The following ZDHHC19 variants were observed in gnomAD, a reference collection of about 807,000 sequenced individuals.
The protein encoded by ZDHHC19 is palmitoyltransferase ZDHHC19.
In ZDHHC19, 30 loss-of-function variants were observed where a neutral mutation model predicts 33.9. The ratio of observed to expected loss-of-function variants is 0.88; its 90% confidence interval spans 0.66 to 1.20. ZDHHC19 has a LOEUF of 1.20. Among genes scored for constraint, ZDHHC19 ranks in the 50% most tolerant of loss-of-function variants. The pLI is 0.00. For synonymous variants in ZDHHC19, 178 were observed against 167.6 expected (o/e 1.06, Z -0.48); for missense variants, 364 against 401.1 (o/e 0.91, Z 0.79).
chr3:196,208,659 C>G (rs1049198441), intron 3 of ZDHHC19, 99 bp from the exon 4 acceptor site: 7 of 1,407,314 alleles, frequency 5.0e-6, no homozygotes, highest in Non-Finnish European at 6.8e-6. Flanking sequence ...TCTAGGCCAC[C>G]TGCCCTTGGC....
Position 196,198,467 on chromosome 3 carries a change from C to T in ZDHHC19, c.774-16G>A, listed in dbSNP as rs774521243. On this transcript the variant is annotated splice_polypyrimidine_tract_variant and intron_variant, in intron 6 of 7. Transcript: ENST00000296326. ...AGCCATGTACCTGGGGAGCAGCAGGCCAGATGCAGGGGCCACCGTCCTCCC... is the reference window on the plus strand; with the variant it reads ...AGCCATGTACCTGGGGAGCAGCAGGTCAGATGCAGGGGCCACCGTCCTCCC... 1.3e-5 allele frequency: 20 copies of T among 1,590,152 alleles called. No homozygotes were observed. In the Admixed American group the frequency reaches 2.0e-4, roughly 16 times the overall value.
intron 5 of ZDHHC19, 63 bp from the exon 6 acceptor site, chr3:196,198,937 C>T: frequency 6.5e-7 from 1 of 1,542,116 alleles, no homozygotes; most frequent in Admixed American, 1.7e-5. Flanking sequence ...GGCCATCGCC[C>T]AGTGGCCCTC....
intron 5 of ZDHHC19, chr3:196,199,286 A>C: frequency 1.0e-5 from 2 of 193,552 alleles, no homozygotes; most frequent in Non-Finnish European, 2.2e-5. Context: ...CACTCACTCT[A>C]CCCATCCACC....
chr3:196,210,363 G>GAAAGAAA (rs1560142876), intron 2 of ZDHHC19, among the ~76,000 whole-genome samples: 6 of 48,646 alleles, frequency 1.2e-4, no homozygotes, highest in Non-Finnish European at 2.6e-4. Context: ...AAAGAAAGAA[G>GAAAGAAA]GAAGGAAGGA....
At position 196,210,747 on chromosome 3, in the gene ZDHHC19, G is replaced by C. The variant is rs1183912314; in HGVS notation, c.147-10C>G. On this transcript the variant is annotated splice_polypyrimidine_tract_variant and intron_variant, in intron 1 of 7. Transcript: ENST00000296326. The stretch of plus-strand genomic sequence containing the variant: ...AGCCAGCCACCTGCAACTGAGACCA[G>C]AGGCAGGCTCGGTCCTGAGCAGGGG... 1 of 1,612,836 alleles carries C rather than the reference G, an allele frequency of 6.2e-7. No individual in the cohort carries two copies. The highest frequency in any genetic ancestry group is 8.5e-7 in the Non-Finnish European group (1 of 1,179,434).
chr3:196,199,907 TG>T lies in ZDHHC19; in HGVS notation c.688-1034del, dbSNP rs1722130693. ...TTGCAGTGAGCCGAGATCATGCCAC[TG>T]CACTCCAGCCTGGGCGACAGAGCGA... On this transcript the variant is annotated intron_variant, in intron 5 of 7. Transcript: ENST00000296326. Among the ~76,000 whole-genome samples the T allele has an allele frequency of 1.5e-4, 23 of 152,014 alleles. No individual in the cohort carries two copies. The South Asian group carries it at 4.8e-3, about 32-fold the overall frequency.
At chr3:196,201,614 A>G (rs1307231207) in intron 5 of ZDHHC19, among the ~76,000 whole-genome samples, 3 of 151,974 alleles carry the variant, frequency 2.0e-5, no homozygotes, top group Non-Finnish European at 4.4e-5. Flanking sequence ...CCAACTACTC[A>G]GGAGGCTGAG....
At chr3:196,206,679 C>CTTTTTTT (rs10578928) in intron 5 of ZDHHC19, among the ~76,000 whole-genome samples, 2 of 112,790 alleles carry the variant, frequency 1.8e-5, no homozygotes, top group Non-Finnish European at 3.6e-5. Context: ...CTTTTCTTTT[C>CTTTTTTT]TTTTTTTTTT....
In ZDHHC19 at chr3:196,203,582, G is replaced by A. The variant is rs1345195802; in HGVS notation, c.687+3816C>T. 6.6e-6 allele frequency among the ~76,000 whole-genome samples: 1 copy of A among 152,214 alleles called. No homozygotes were observed. Among genetic ancestry groups the A allele is most frequent in the Admixed American group, 6.5e-5 (1 of 15,282 alleles). ...GTGAAGAAGGCCTGAGGCAGGTGCT[G>A]CGGGCTGCGGGAAGGAGCCCTGCCT... On this transcript the variant is annotated intron_variant, in intron 5 of 7. Transcript: ENST00000296326. The surrounding 1 kb of genome is among the most constrained non-coding windows in gnomAD (Gnocchi z 4.3).
chr3:196,207,044 C>G (rs542587403), intron 5 of ZDHHC19, among the ~76,000 whole-genome samples: 1 of 152,270 alleles, frequency 6.6e-6, no homozygotes, highest in Admixed American at 6.5e-5. Context: ...CCTGAGTCTG[C>G]GCCACACAGC....
intron 2 of ZDHHC19, among the ~76,000 whole-genome samples, chr3:196,210,341 GAAA>G (rs71622468): frequency 2.5e-5 from 1 of 40,330 alleles, no homozygotes; most frequent in Non-Finnish European, 6.6e-5. Flanking sequence ...AAGAAAGAAA[GAAA>G]AGAGAAAGAA....
chr3:196,200,546 G>A (rs71323705), intron 5 of ZDHHC19, among the ~76,000 whole-genome samples: 16,001 of 149,478 alleles, frequency 0.11, 1,103 homozygotes, highest in Non-Finnish European at 0.14. Flanking sequence ...AGTAGAGACG[G>A]GGTTTCACCG....
Position 196,209,474 on chromosome 3 carries a change from CCCACA to C in ZDHHC19, c.305_309del (p.Val102GlyfsTer36), listed in dbSNP as rs1189982343. The C allele has an allele frequency of 1.2e-6, 2 of 1,612,562 alleles. No homozygotes were observed. The highest frequency in any genetic ancestry group is 2.7e-5 in the African/African-American group (2 of 74,936). On this transcript the variant is annotated frameshift_variant, in exon 3 of 8. Transcript: ENST00000296326. LOFTEE classifies it high-confidence loss of function. ...TGCAGGCGGAAGGCCCCGTGGTTCA[CCCACA>C]CCACGTGCACCGTCAAGGGGCCCTG... is the stretch of plus-strand genomic sequence containing the variant.
At position 196,203,269 on chromosome 3, in the gene ZDHHC19, G is replaced by GAAGA. The variant is rs200265519; in HGVS notation, c.687+4125_687+4128dup. Among the ~76,000 whole-genome samples, 5 of 151,940 alleles carry GAAGA rather than the reference G, an allele frequency of 3.3e-5. No homozygotes were observed. Among genetic ancestry groups the GAAGA allele is most frequent in the South Asian group, 2.1e-4 (1 of 4,808 alleles). On this transcript the variant is annotated intron_variant, in intron 5 of 7. Coordinates refer to ENST00000296326, the MANE Select transcript of ZDHHC19 (RefSeq NM_001039617.2). This position sits in a 1 kb window ranked among gnomAD's most constrained non-coding sequence, Gnocchi z 4.3. Reference sequence around the variant, plus strand: ...CAAAAAAGAAAAAAAAAGAAAGAAAGAAGAAAGAAAGAGAGAGAGAAATTG... The same window carrying GAAGA: ...CAAAAAAGAAAAAAAAAGAAAGAAAGAAGAAAGAAAGAAAGAGAGAGAGAAATTG...
Position 196,211,355 on chromosome 3 carries a change from C to T in ZDHHC19, c.-40G>A, listed in dbSNP as rs1470566821. 1 of 1,558,868 alleles carries T rather than the reference C, an allele frequency of 6.4e-7. No homozygotes were observed. The highest frequency in any genetic ancestry group is 1.4e-5 in the African/African-American group (1 of 73,210). Reference sequence around the variant, plus strand: ...CGCCTCCAGGGGAGGTCAGAGCCACCAGGCTTCCTCCCCCAGCCCAGCTTC... The same window carrying T: ...CGCCTCCAGGGGAGGTCAGAGCCACTAGGCTTCCTCCCCCAGCCCAGCTTC... On this transcript the variant is annotated 5_prime_UTR_variant, in exon 1 of 8. Transcript: ENST00000296326.
intron 5 of ZDHHC19, among the ~76,000 whole-genome samples, chr3:196,200,761 A>C (rs1577316272): frequency 1.4e-5 from 2 of 144,382 alleles, no homozygotes; most frequent in Admixed American, 1.4e-4. Context: ...GGATCCTCCC[A>C]CCTCTGTCTC....
chr3:196,208,155 T>TC (rs1295720674), intron 4 of ZDHHC19, among the ~76,000 whole-genome samples: 1 of 151,868 alleles, frequency 6.6e-6, no homozygotes, highest in Non-Finnish European at 1.5e-5. Context: ...CGCCTCGGCC[T>TC]CCCAAAGTGC....
At chr3:196,202,669 C>T (rs1289838424) in intron 5 of ZDHHC19, among the ~76,000 whole-genome samples, 3 of 152,210 alleles carry the variant, frequency 2.0e-5, no homozygotes, top group African/African-American at 7.2e-5. Context: ...AGGCCGCTTC[C>T]CTGCGTGCAG....
intron 6 of ZDHHC19, 132 bp from the exon 7 acceptor site, chr3:196,198,583 C>T (rs768396619): frequency 6.5e-7 from 1 of 1,550,228 alleles, no homozygotes; most frequent in Non-Finnish European, 8.7e-7. Flanking sequence ...ATCCAGGATG[C>T]AGCAGCCCTG....
Sources: gnomAD v4.1 joint callset for allele counts (sites outside exome capture counted in the v4.1 genomes callset) on GRCh38, gnomAD v4.1.1 for gene constraint, Gnocchi (gnomAD v3.1) non-coding constraint, MANE v1.5 for transcripts, NCBI Gene and HGNC (gene_info 2026-07-23, HGNC 2026-07-21) for gene names.